The following SCFD1 variants were observed in gnomAD, a reference collection of about 807,000 sequenced individuals.
The protein encoded by SCFD1 is sec1 family domain containing 1, also known as sec1 family domain-containing protein 1.
A neutral mutation model predicts 103.2 loss-of-function variants in SCFD1; 37 were observed. That is an observed-to-expected ratio of 0.36 (90% CI 0.28 to 0.47). The LOEUF (loss-of-function observed/expected upper bound fraction) is 0.47, where lower values mean the gene tolerates loss of function less well. Ranked by LOEUF, SCFD1 falls within the 20% of genes least tolerant of loss-of-function variation. SCFD1 has a pLI of 1.00. For missense variants in SCFD1, 639 were observed against 761.2 expected (o/e 0.84, Z 1.89); for synonymous variants, 264 against 245.0 (o/e 1.08, Z -0.73).
At chr14:30,700,136 C>T (rs1241062016) in intron 15 of SCFD1, 52 bp from the exon 16 acceptor site, 21 of 1,290,400 alleles carry the variant, frequency 1.6e-5, no homozygotes, top group Non-Finnish European at 2.2e-5. Flanking sequence ...GACTATAATA[C>T]ATAATAACCA....
rs576621567 is a variant in SCFD1, at chr14:30,673,582, A to G, written c.1086+235A>G. On this transcript the variant is annotated intron_variant, in intron 12 of 24. Coordinates refer to ENST00000458591, the MANE Select transcript of SCFD1 (RefSeq NM_016106.4). Reference sequence around the variant, plus strand: ...CATCATTTTAGAGATGTATGTTCCAATGCTGCTCATTCTACCATACTTCGA... The same window carrying G: ...CATCATTTTAGAGATGTATGTTCCAGTGCTGCTCATTCTACCATACTTCGA... 7.2e-5 allele frequency among the ~76,000 whole-genome samples: 11 copies of G among 152,298 alleles called. 1 individual carries two copies. Among genetic ancestry groups the G allele is most frequent in the Admixed American group, 5.2e-4 (8 of 15,286 alleles).
chr14:30,641,618 A>G (rs1273587791), intron 6 of SCFD1, among the ~76,000 whole-genome samples: 1 of 152,238 alleles, frequency 6.6e-6, no homozygotes, highest in African/African-American at 2.4e-5. Context: ...CTGAATTCAC[A>G]TAATGCAAAT....
At chr14:30,726,025 A>C (rs1274312324) in intron 23 of SCFD1, among the ~76,000 whole-genome samples, 1 of 152,184 alleles carries the variant, frequency 6.6e-6, no homozygotes, top group African/African-American at 2.4e-5. Flanking sequence ...CCGGGGATAA[A>C]CACATGGTTG....
chr14:30,679,303 T>C (rs1459268274), intron 14 of SCFD1, among the ~76,000 whole-genome samples: 1 of 152,168 alleles, frequency 6.6e-6, no homozygotes, highest in East Asian at 1.9e-4. Flanking sequence ...TATGAAAAGA[T>C]TGTTTCTATA....
chr14:30,734,590 A>G, intron 23 of SCFD1, 200 bp from the exon 24 acceptor site: 2 of 533,458 alleles, frequency 3.7e-6, no homozygotes, highest in Admixed American at 3.1e-5. Context: ...TTTGGGGGAC[A>G]AAAATACTAT....
rs960524429 is a variant in SCFD1 at position 30,702,343 on chromosome 14, C to T, written c.1458C>T (p.Asn486=). 5 of 1,597,536 alleles carry T rather than the reference C, an allele frequency of 3.1e-6. No individual in the cohort carries two copies. The highest frequency in any genetic ancestry group is 4.3e-6 in the Non-Finnish European group (5 of 1,171,248). ...AAGCTTTAACTGATGCAGGATGCAA[C>T]CTTAATCCTTTACAATATATCAAAC... is the stretch of plus-strand genomic sequence containing the variant. ...YKKALTDAGC[N]LNPLQYIKQW... Residue 486 remains asparagine (N), a synonymous_variant, in exon 17 of 25, where the codon AAC becomes AAT. Transcript: ENST00000458591.
intron 10 of SCFD1, among the ~76,000 whole-genome samples, chr14:30,667,554 A>G (rs1888106729): frequency 6.6e-6 from 1 of 152,214 alleles, no homozygotes; most frequent in Non-Finnish European, 1.5e-5. Flanking sequence ...AGTTCTGGCC[A>G]GGGCAGTCAG....
At chr14:30,725,147 C>T (rs749049720) in intron 23 of SCFD1, among the ~76,000 whole-genome samples, 5 of 152,022 alleles carry the variant, frequency 3.3e-5, no homozygotes, top group Admixed American at 6.6e-5. Flanking sequence ...TTTTTCCTTA[C>T]GATTGCCCTG....
chr14:30,653,110 A>G (rs1031268919), intron 9 of SCFD1, among the ~76,000 whole-genome samples: 1 of 152,206 alleles, frequency 6.6e-6, no homozygotes, highest in South Asian at 2.1e-4. Context: ...TTTGTTTTTT[A>G]AAAGCCAGCC....
chr14:30,729,311 T>A (rs1893277030), intron 23 of SCFD1, among the ~76,000 whole-genome samples: 1 of 152,188 alleles, frequency 6.6e-6, no homozygotes, highest in African/African-American at 2.4e-5. Context: ...TATCTAAGAA[T>A]CCTTTGCCAA....
In SCFD1 at chr14:30,690,417, C is replaced by G. The variant is rs1357147178; in HGVS notation, c.1243-4356C>G. 8.3e-5 allele frequency among the ~76,000 whole-genome samples: 8 copies of G among 96,950 alleles called. No individual in the cohort carries two copies. The South Asian group carries it at 1.0e-3, about 13-fold the overall frequency. The allele number at this position is 96,950 out of a possible 152,430, so 63.6% of individuals were successfully genotyped here. On this transcript the variant is annotated intron_variant, in intron 14 of 24. Transcript: ENST00000458591. ...GGGCGCCCCTCCCCCAGCCTCGCTG[C>G]CGCCTTGCAGTTTGATCTCAGACTG...
At chr14:30,647,998 A>G (rs1886014806) in intron 7 of SCFD1, among the ~76,000 whole-genome samples, 2 of 152,202 alleles carry the variant, frequency 1.3e-5, no homozygotes, top group African/African-American at 2.4e-5. Context: ...CCAATCTGAC[A>G]TAGAAGGATG....
intron 14 of SCFD1, among the ~76,000 whole-genome samples, chr14:30,693,310 A>G (rs530203819): frequency 7.9e-5 from 12 of 152,328 alleles, no homozygotes; most frequent in African/African-American, 2.9e-4. Context: ...AGAAGAAATA[A>G]TAAAAGAAAA....
At chr14:30,631,149 C>T (rs1424338452) in intron 3 of SCFD1, among the ~76,000 whole-genome samples, 1 of 152,044 alleles carries the variant, frequency 6.6e-6, no homozygotes, top group Non-Finnish European at 1.5e-5. Context: ...GTCAGGAGTT[C>T]GAGACCAGCC....
chr14:30,726,043 CACTT>C lies in SCFD1; in HGVS notation c.1836+3487_1836+3490del, dbSNP rs533020761. ...GGGATAAACACATGGTTGCAATAGACACTTACGCATTCCACACGCTCTTACCCTT... is the reference window on the plus strand; with the variant it reads ...GGGATAAACACATGGTTGCAATAGACACGCATTCCACACGCTCTTACCCTT... On this transcript the variant is annotated intron_variant, in intron 23 of 24. Coordinates refer to ENST00000458591, the MANE Select transcript of SCFD1 (RefSeq NM_016106.4). Among the ~76,000 whole-genome samples the C allele has an allele frequency of 8.7e-4, 132 of 152,294 alleles. 1 individual carries two copies. Among genetic ancestry groups the C allele is most frequent in the African/African-American group, 3.0e-3 (124 of 41,560 alleles).
chr14:30,644,467 C>G (rs1248568617), intron 7 of SCFD1, among the ~76,000 whole-genome samples: 3 of 152,202 alleles, frequency 2.0e-5, no homozygotes, highest in Non-Finnish European at 2.9e-5. Context: ...TTCCTACCAA[C>G]AGCGTATAAG....
intron 17 of SCFD1, among the ~76,000 whole-genome samples, chr14:30,703,964 A>ATATATATAT (rs1182473460): frequency 8.5e-5 from 3 of 35,148 alleles, no homozygotes; most frequent in African/African-American, 2.0e-4. Flanking sequence ...TATATATATA[A>ATATATATAT]ATAATGAGAT....
intron 19 of SCFD1, among the ~76,000 whole-genome samples, chr14:30,709,088 T>C (rs916677697): frequency 1.3e-5 from 2 of 152,188 alleles, no homozygotes; most frequent in African/African-American, 4.8e-5. Context: ...AAAACTGAGA[T>C]AATATTTTAC....
chr14:30,661,309 CTG>C (rs1278773721), intron 10 of SCFD1, among the ~76,000 whole-genome samples: 8 of 152,146 alleles, frequency 5.3e-5, no homozygotes, highest in Admixed American at 3.3e-4. Context: ...AACCAGATGA[CTG>C]TTATGTAAAG....
Sources: gnomAD v4.1 joint callset for allele counts (sites outside exome capture counted in the v4.1 genomes callset) on GRCh38, gnomAD v4.1.1 for gene constraint, MANE v1.5 for transcripts, NCBI Gene and HGNC (gene_info 2026-07-23, HGNC 2026-07-21) for gene names.